PRCP: variants seen among roughly 807,000 people sequenced by gnomAD.
PRCP encodes lysosomal Pro-X carboxypeptidase.
A neutral mutation model predicts 54.2 loss-of-function variants in PRCP; 46 were observed. The observed-to-expected ratio is 0.85, with a 90% CI of 0.67 to 1.09. The LOEUF (loss-of-function observed/expected upper bound fraction) is 1.09. Ranked by LOEUF, PRCP falls within the 50% of genes least tolerant of loss-of-function variation. The probability of loss-of-function intolerance (pLI) is 0.00; values close to 1 mark genes in which losing one functional copy is unlikely to be tolerated. For synonymous variants in PRCP, 240 were observed against 212.2 expected (o/e 1.13, Z -1.14); for missense variants, 613 against 596.8 (o/e 1.03, Z -0.28).
chr11:82,901,321 ACCCCCCT>A (rs1392915939), upstream of PRCP: 1 of 175,794 alleles, frequency 5.7e-6, no homozygotes, highest in African/African-American at 2.5e-5. Context: ...TCCGCGCTCC[ACCCCCCT>A]CCTGCCTCCT....
rs564517261 is a variant in PRCP, at chr11:82,897,797, G to C, written c.168+2438C>G. 2.0e-5 allele frequency among the ~76,000 whole-genome samples: 3 copies of C among 152,254 alleles called. No individual in the cohort carries two copies. In the South Asian group the frequency reaches 6.2e-4, roughly 32 times the overall value. On this transcript the variant is annotated intron_variant, in intron 1 of 8. Coordinates refer to ENST00000313010, the MANE Select transcript of PRCP (RefSeq NM_005040.4). ...TTATGAAGAATTTCTAAGCAGGGGAGGGATAAGACCATGGGCTAAGCCTTC... is the reference window on the plus strand; with the variant it reads ...TTATGAAGAATTTCTAAGCAGGGGACGGATAAGACCATGGGCTAAGCCTTC...
chr11:82,844,747 A>AAAAAAAAAAAAAAAAGAAAG (rs756222029), intron 6 of PRCP, among the ~76,000 whole-genome samples: 1 of 136,054 alleles, frequency 7.4e-6, no homozygotes, highest in Non-Finnish European at 1.5e-5. Context: ...AAAAAAAAAA[A>AAAAAAAAAAAAAAAAGAAAG]AAAGAAAGAA....
Position 82,825,108 on chromosome 11 carries a change from T to A in PRCP, c.1289A>T (p.Asp430Val). Reference sequence around the variant, plus strand: ...AGTTACTCCACCTCCTGACCAGGGGTCTAGTTCACCATTGCTGCAAGTGAA... The same window carrying A: ...AGTTACTCCACCTCCTGACCAGGGGACTAGTTCACCATTGCTGCAAGTGAA... ...TNIVFSNGEL[D>V]PWSGGGVTKD... Residue 430 changes from aspartate (D) to valine (V), a missense_variant, in exon 9 of 9, where the codon GAC (aspartate) becomes GTC (valine). Transcript: ENST00000313010. 6.2e-7 allele frequency: 1 copy of A among 1,613,558 alleles called. No individual in the cohort carries two copies. The highest frequency in any genetic ancestry group is 8.5e-7 in the Non-Finnish European group (1 of 1,179,808).
At chr11:82,872,040 GAA>G (rs1024890702) in intron 1 of PRCP, among the ~76,000 whole-genome samples, 6 of 152,334 alleles carry the variant, frequency 3.9e-5, no homozygotes, top group African/African-American at 1.4e-4. Flanking sequence ...TTGAGAGAGA[GAA>G]AGAGACTACG....
chr11:82,883,243 T>C (rs1186931999), intron 1 of PRCP, among the ~76,000 whole-genome samples: 2 of 152,096 alleles, frequency 1.3e-5, no homozygotes, highest in African/African-American at 4.8e-5. Context: ...AAGAGGATAG[T>C]AGTCAGTTAC....
Position 82,853,223 on chromosome 11 carries a change from T to A in PRCP, c.365A>T (p.His122Leu), listed in dbSNP as rs1859001361. 6.2e-7 allele frequency: 1 copy of A among 1,613,284 alleles called. No homozygotes were observed. The highest frequency in any genetic ancestry group is 8.5e-7 in the Non-Finnish European group (1 of 1,179,442). ...ELKAMLVFAE[H>L]RYYGESLPFG... ...GGGGAGAGACTCTCCATAGTATCGA[T>A]GTTCAGCAAACACCAACATAGCTTT... is the stretch of plus-strand genomic sequence containing the variant. Residue 122 changes from histidine to leucine, a missense_variant, in exon 3 of 9, where the codon CAT becomes CTT. Transcript: ENST00000313010.
intron 6 of PRCP, among the ~76,000 whole-genome samples, chr11:82,842,251 C>T (rs1205923625): frequency 3.3e-5 from 5 of 152,166 alleles, no homozygotes; most frequent in Non-Finnish European, 7.3e-5. Context: ...TCTTAAAAGA[C>T]ACAAGCATGG....
intron 1 of PRCP, among the ~76,000 whole-genome samples, chr11:82,874,295 C>G (rs553229400): frequency 6.6e-6 from 1 of 152,284 alleles, no homozygotes. Context: ...AGTGAACAAG[C>G]TAGATATGGT....
At chr11:82,835,261 C>G (rs1858492311) in intron 8 of PRCP, among the ~76,000 whole-genome samples, 1 of 152,072 alleles carries the variant, frequency 6.6e-6, no homozygotes, top group South Asian at 2.1e-4. Flanking sequence ...TAATAAGAGT[C>G]TAATAAGAGG....
chr11:82,887,874 C>A (rs1859902241), intron 1 of PRCP, among the ~76,000 whole-genome samples: 1 of 152,138 alleles, frequency 6.6e-6, no homozygotes, highest in Non-Finnish European at 1.5e-5. Context: ...ACACAGAGAC[C>A]AAGAAGAATC....
intron 2 of PRCP, among the ~76,000 whole-genome samples, chr11:82,855,422 T>C (rs942256966): frequency 1.3e-5 from 2 of 151,814 alleles, no homozygotes; most frequent in African/African-American, 2.4e-5. Flanking sequence ...ATCGAGACCA[T>C]CCTGGCTAAC....
intron 1 of PRCP, among the ~76,000 whole-genome samples, chr11:82,868,054 C>G (rs11233356): frequency 0.25 from 37,934 of 152,038 alleles, 5,152 homozygotes; most frequent in Admixed American, 0.3. Context: ...AATCATCCCC[C>G]TTCTTTTTAA....
chr11:82,865,789 T>A (rs1211140447), intron 1 of PRCP, among the ~76,000 whole-genome samples: 1 of 152,224 alleles, frequency 6.6e-6, no homozygotes, highest in Non-Finnish European at 1.5e-5. Flanking sequence ...TGGGGTTACA[T>A]TCCATTAGAG....
In PRCP at chr11:82,879,472, A is replaced by G. The variant is rs563431142; in HGVS notation, c.169-19355T>C. The stretch of plus-strand genomic sequence containing the variant: ...TGTTAGCTTCTTTGCGATGGGTTCA[A>G]ACATCCTCCTTTAGCTCAGAGAAGT... On this transcript the variant is annotated intron_variant, in intron 1 of 8. Coordinates refer to ENST00000313010, the MANE Select transcript of PRCP (RefSeq NM_005040.4). 2.0e-5 allele frequency among the ~76,000 whole-genome samples: 3 copies of G among 152,286 alleles called. No individual in the cohort carries two copies. The South Asian group carries it at 6.2e-4, about 32-fold the overall frequency.
intron 1 of PRCP, among the ~76,000 whole-genome samples, chr11:82,865,122 T>C (rs1404133547): frequency 6.6e-6 from 1 of 152,186 alleles, no homozygotes; most frequent in African/African-American, 2.4e-5. Flanking sequence ...AGAAGGCTGA[T>C]GCTCAGAGAG....
chr11:82,849,269 G>A (rs932652913), intron 5 of PRCP, 51 bp from the exon 6 acceptor site: 3 of 1,569,948 alleles, frequency 1.9e-6, no homozygotes, highest in Non-Finnish European at 1.7e-6. Context: ...GTCAACAGAT[G>A]TCTTTACAGA....
intron 6 of PRCP, among the ~76,000 whole-genome samples, chr11:82,841,267 G>A (rs34302005): frequency 0.32 from 46,006 of 142,326 alleles, 7,834 homozygotes; most frequent in African/African-American, 0.41. Flanking sequence ...TGCCAGCGGG[G>A]GAAAAAAAAA....
chr11:82,872,854 A>G (rs1046563825), intron 1 of PRCP, among the ~76,000 whole-genome samples: 1 of 152,230 alleles, frequency 6.6e-6, no homozygotes, highest in Non-Finnish European at 1.5e-5. Context: ...AAGGAGCCAG[A>G]CAAAGAAAGA....
At chr11:82,883,377 G>C (rs1591069926) in intron 1 of PRCP, among the ~76,000 whole-genome samples, 2 of 152,122 alleles carry the variant, frequency 1.3e-5, no homozygotes, top group East Asian at 3.8e-4. Flanking sequence ...CAAGCTGATA[G>C]ACAGCAGCAC....
Sources: gnomAD v4.1 joint callset for allele counts (sites outside exome capture counted in the v4.1 genomes callset) on GRCh38, gnomAD v4.1.1 for gene constraint, MANE v1.5 for transcripts, NCBI Gene and HGNC (gene_info 2026-07-23, HGNC 2026-07-21) for gene names.